KCNMB2: variants seen among roughly 807,000 people sequenced by gnomAD.
KCNMB2 encodes potassium calcium-activated channel subfamily M regulatory beta subunit 2, also known as calcium-activated potassium channel subunit beta-2.
A neutral mutation model predicts 24.5 loss-of-function variants in KCNMB2; 9 were observed. That is an observed-to-expected ratio of 0.37 (90% CI 0.22 to 0.64). KCNMB2 has a LOEUF of 0.64. Ranked by LOEUF, KCNMB2 falls within the 30% of genes least tolerant of loss-of-function variation. The probability of loss-of-function intolerance (pLI) is 0.63; values close to 1 mark genes in which losing one functional copy is unlikely to be tolerated. For synonymous variants in KCNMB2, 109 were observed against 104.4 expected, an observed-to-expected ratio of 1.04 and a Z score of -0.27; for missense variants, 226 against 284.3, an observed-to-expected ratio of 0.79 and a Z score of 1.47.
At chr3:178,712,385 T>G (rs543799161) in intron 1 of KCNMB2, among the ~76,000 whole-genome samples, 1 of 152,186 alleles carries the variant, frequency 6.6e-6, no homozygotes, top group Non-Finnish European at 1.5e-5. Flanking sequence ...GTTGCAGTCA[T>G]GTGAATAAGT....
At chr3:178,635,848 A>G (rs1269132875) in intron 1 of KCNMB2, among the ~76,000 whole-genome samples, 2 of 152,214 alleles carry the variant, frequency 1.3e-5, no homozygotes, top group Admixed American at 1.3e-4. Context: ...TAATTATACA[A>G]ATTCAATACT....
rs1711696361 is a variant in KCNMB2, at chr3:178,759,947, T to TAC, written c.-67-47395_-67-47394insCA. On this transcript the variant is annotated intron_variant, in intron 1 of 4. Coordinates refer to ENST00000452583, the MANE Select transcript of KCNMB2 (RefSeq NM_181361.3). Reference sequence around the variant, plus strand: ...CCAAGAGGATATATCTATATATATATATATCCAAGAGGATATATATATATA... The same window carrying TAC: ...CCAAGAGGATATATCTATATATATATACATATCCAAGAGGATATATATATATA... Among the ~76,000 whole-genome samples the TAC allele has an allele frequency of 4.8e-5, 2 of 41,808 alleles. 1 individual carries two copies. The highest frequency in any genetic ancestry group is 5.4e-4 in the Admixed American group (2 of 3,688). 27.4% of individuals were successfully genotyped at this position (41,808 alleles called of 152,430 possible).
At chr3:178,738,645 G>A (rs555996442) in intron 1 of KCNMB2, among the ~76,000 whole-genome samples, 102 of 151,968 alleles carry the variant, frequency 6.7e-4, no homozygotes, top group African/African-American at 2.4e-3. Context: ...CCCCATTTTT[G>A]ACCCCAGGAC....
chr3:178,735,048 G>T (rs141854994), intron 1 of KCNMB2, among the ~76,000 whole-genome samples: 10 of 152,310 alleles, frequency 6.6e-5, no homozygotes, highest in Non-Finnish European at 1.3e-4. Flanking sequence ...TACCTTCTTA[G>T]CAGCTCTCCT....
Position 178,700,105 on chromosome 3 carries a change from T to C in KCNMB2, c.-67-107238T>C, listed in dbSNP as rs183743264. Among the ~76,000 whole-genome samples the C allele has an allele frequency of 3.1e-3, 478 of 152,228 alleles. 7 individuals carry two copies. The highest frequency in any genetic ancestry group is 0.028 in the Admixed American group (423 of 15,290). Reference sequence around the variant, plus strand: ...CCAGTATTACCAAGATGACTGAGAGTTCTTGACTCAAGCCTACAGAAGACA... The same window carrying C: ...CCAGTATTACCAAGATGACTGAGAGCTCTTGACTCAAGCCTACAGAAGACA... On this transcript the variant is annotated intron_variant, in intron 1 of 4. Coordinates refer to ENST00000452583, the MANE Select transcript of KCNMB2 (RefSeq NM_181361.3).
intron 1 of KCNMB2, among the ~76,000 whole-genome samples, chr3:178,728,912 T>C (rs1397978133): frequency 6.6e-6 from 1 of 152,208 alleles, no homozygotes; most frequent in East Asian, 1.9e-4. Flanking sequence ...TTACTTAGTC[T>C]GTTCTCAACG....
At chr3:178,720,905 C>T (rs561393256) in intron 1 of KCNMB2, among the ~76,000 whole-genome samples, 27 of 152,006 alleles carry the variant, frequency 1.8e-4, no homozygotes, top group East Asian at 3.9e-4. Flanking sequence ...GAGTAGGTTG[C>T]GAAAATTTTC....
chr3:178,565,576 T>A (rs1243064433), intron 1 of KCNMB2, among the ~76,000 whole-genome samples: 1 of 152,234 alleles, frequency 6.6e-6, no homozygotes, highest in Non-Finnish European at 1.5e-5. Context: ...ACAAAGAAAG[T>A]GTTGTGTCAC....
At chr3:178,813,743 G>C (rs1462676904) in intron 2 of KCNMB2, among the ~76,000 whole-genome samples, 1 of 151,634 alleles carries the variant, frequency 6.6e-6, no homozygotes, top group African/African-American at 2.4e-5. Context: ...GTGTAATTTT[G>C]GTCTGTTTAA....
At chr3:178,804,205 G>T (rs1384737874) in intron 1 of KCNMB2, among the ~76,000 whole-genome samples, 2 of 152,128 alleles carry the variant, frequency 1.3e-5, no homozygotes, top group Non-Finnish European at 2.9e-5. Flanking sequence ...CAAATGAAAA[G>T]TTTCTTGTCC....
At chr3:178,783,223 C>T (rs1193777233) in intron 1 of KCNMB2, among the ~76,000 whole-genome samples, 9 of 152,012 alleles carry the variant, frequency 5.9e-5, no homozygotes, top group African/African-American at 1.5e-4. Flanking sequence ...AGTCAGGTAG[C>T]ATGATGCCTC....
At chr3:178,715,286 T>A (rs1226026849) in intron 1 of KCNMB2, among the ~76,000 whole-genome samples, 1 of 152,028 alleles carries the variant, frequency 6.6e-6, no homozygotes, top group Admixed American at 6.6e-5. Flanking sequence ...AACACTCACA[T>A]CACTTGGGAA....
intron 1 of KCNMB2, among the ~76,000 whole-genome samples, chr3:178,563,771 G>A (rs1716408980): frequency 6.6e-6 from 1 of 152,154 alleles, no homozygotes; most frequent in African/African-American, 2.4e-5. Flanking sequence ...TTCAACAAAG[G>A]AGCAGAGAGC....
chr3:178,643,058 C>T (rs982474906), intron 1 of KCNMB2, among the ~76,000 whole-genome samples: 1 of 152,186 alleles, frequency 6.6e-6, no homozygotes, highest in Non-Finnish European at 1.5e-5. Flanking sequence ...TACACAATAG[C>T]ATAGAATACA....
chr3:178,635,886 CAT>C (rs1383744171), intron 1 of KCNMB2, among the ~76,000 whole-genome samples: 3 of 152,102 alleles, frequency 2.0e-5, no homozygotes, highest in African/African-American at 7.2e-5. Flanking sequence ...CCTACTAATT[CAT>C]AGTCATTAGT....
chr3:178,757,302 A>G (rs576894876), intron 1 of KCNMB2, among the ~76,000 whole-genome samples: 2 of 104,904 alleles, frequency 1.9e-5, no homozygotes, highest in Non-Finnish European at 4.2e-5. Flanking sequence ...ATATATATAT[A>G]TATATCCATC....
At chr3:178,842,609 C>A in intron 4 of KCNMB2, 44 bp from the exon 5 acceptor site, 2 of 1,342,482 alleles carry the variant, frequency 1.5e-6, no homozygotes, top group Non-Finnish European at 2.1e-6. Context: ...GAGTCTCAAA[C>A]ACACATAGTA....
At chr3:178,715,172 T>C (rs1191459838) in intron 1 of KCNMB2, among the ~76,000 whole-genome samples, 1 of 152,152 alleles carries the variant, frequency 6.6e-6, no homozygotes, top group Non-Finnish European at 1.5e-5. Context: ...GTAAGCAATG[T>C]GGGCTGATTA....
chr3:178,607,815 C>T (rs958252511), intron 1 of KCNMB2, among the ~76,000 whole-genome samples: 4 of 151,986 alleles, frequency 2.6e-5, no homozygotes, highest in South Asian at 2.1e-4. Flanking sequence ...CTTGTTAATA[C>T]AGTCATTTAA....
Sources: gnomAD v4.1 joint callset for allele counts (sites outside exome capture counted in the v4.1 genomes callset) on GRCh38, gnomAD v4.1.1 for gene constraint, MANE v1.5 for transcripts, NCBI Gene and HGNC (gene_info 2026-07-23, HGNC 2026-07-21) for gene names.